KHDRBS2: variants seen among roughly 807,000 people sequenced by gnomAD.
The protein encoded by KHDRBS2 is KH domain-containing, RNA-binding, signal transduction-associated protein 2.
KHDRBS2 carries 26 observed loss-of-function variants against 44.3 expected under a neutral mutation model. The observed-to-expected ratio is 0.59, with a 90% CI of 0.43 to 0.81. The LOEUF (loss-of-function observed/expected upper bound fraction) is 0.81, where lower values mean the gene tolerates loss of function less well. Among genes scored for constraint, KHDRBS2 ranks in the 40% least tolerant of loss-of-function variants. The pLI, the probability that KHDRBS2 is intolerant of heterozygous loss-of-function variation, is 0.00. For synonymous variants in KHDRBS2, 194 were observed against 151.1 expected (o/e 1.28, Z -2.08); for missense variants, 476 against 433.1 (o/e 1.10, Z -0.88).
intron 1 of KHDRBS2, among the ~76,000 whole-genome samples, chr6:62,196,910 G>A (rs1337468547): frequency 9.9e-5 from 15 of 151,990 alleles, no homozygotes; most frequent in Non-Finnish European, 1.8e-4. Flanking sequence ...CATAGGAAGC[G>A]CCCATAAAGC....
At chr6:61,998,536 T>A (rs888563284) in intron 3 of KHDRBS2, among the ~76,000 whole-genome samples, 2 of 152,154 alleles carry the variant, frequency 1.3e-5, no homozygotes, top group Non-Finnish European at 1.5e-5. Context: ...TTTCCCAGAA[T>A]GGAAAACACG....
chr6:61,769,296 G>A (rs1339257602), intron 6 of KHDRBS2, among the ~76,000 whole-genome samples: 2 of 152,096 alleles, frequency 1.3e-5, no homozygotes, highest in Non-Finnish European at 2.9e-5. Context: ...TCTCACTGGA[G>A]AGTGCCAGAC....
At chr6:61,996,093 G>T (rs1777115885) in intron 3 of KHDRBS2, among the ~76,000 whole-genome samples, 1 of 152,150 alleles carries the variant, frequency 6.6e-6, no homozygotes, top group South Asian at 2.1e-4. Flanking sequence ...GACTGGCTAT[G>T]TGAACTGTCC....
chr6:61,892,690 G>T (rs1224886587), intron 6 of KHDRBS2, among the ~76,000 whole-genome samples: 2 of 152,148 alleles, frequency 1.3e-5, no homozygotes, highest in African/African-American at 2.4e-5. Context: ...GGGAAAACTC[G>T]CTAGCCATAT....
At chr6:62,047,839 C>A in intron 3 of KHDRBS2, 39 bp downstream of exon 3, 1 of 1,322,204 alleles carries the variant, frequency 7.6e-7, no homozygotes, top group Non-Finnish European at 1.1e-6. Flanking sequence ...TATAGGTAAC[C>A]TCCTGAATGT....
At chr6:61,829,231 G>A (rs373226631) in intron 6 of KHDRBS2, among the ~76,000 whole-genome samples, 27 of 152,104 alleles carry the variant, frequency 1.8e-4, no homozygotes, top group African/African-American at 6.0e-4. Flanking sequence ...GTGCAATCTC[G>A]GATCACTGCA....
At chr6:61,699,773 AT>A (rs1235787520) in intron 7 of KHDRBS2, among the ~76,000 whole-genome samples, 1 of 152,046 alleles carries the variant, frequency 6.6e-6, no homozygotes, top group African/African-American at 2.4e-5. Context: ...CTTGGAGGCA[AT>A]TTATAATGCA....
intron 6 of KHDRBS2, among the ~76,000 whole-genome samples, chr6:61,824,543 T>A (rs751064549): frequency 1.3e-5 from 2 of 152,140 alleles, no homozygotes; most frequent in Non-Finnish European, 1.5e-5. Context: ...GGTAGTTCTT[T>A]ATAGCAGTGT....
chr6:62,189,453 G>A (rs1162659527), intron 1 of KHDRBS2, among the ~76,000 whole-genome samples: 1 of 152,078 alleles, frequency 6.6e-6, no homozygotes, highest in Non-Finnish European at 1.5e-5. Context: ...CAGATAGTAA[G>A]TGTTTGCCAT....
At position 61,955,165 on chromosome 6, in the gene KHDRBS2, CAT is replaced by C. The variant is rs557070104; in HGVS notation, c.483+22899_483+22900del. ...ACACATACGTGTGTATGTATGTATA[CAT>C]ATGTGTATATACACATACGTTTGTA... is the stretch of plus-strand genomic sequence containing the variant. On this transcript the variant is annotated intron_variant, in intron 4 of 8. Coordinates refer to ENST00000281156, the MANE Select transcript of KHDRBS2 (RefSeq NM_152688.4). 4.5e-4 allele frequency among the ~76,000 whole-genome samples: 64 copies of C among 142,206 alleles called. No homozygotes were observed. The East Asian group carries it at 8.6e-3, about 19-fold the overall frequency. 93.3% of individuals were successfully genotyped at this position (142,206 alleles called of 152,430 possible).
chr6:62,013,233 G>A (rs922241029), intron 3 of KHDRBS2, among the ~76,000 whole-genome samples: 1 of 152,142 alleles, frequency 6.6e-6, no homozygotes, highest in Non-Finnish European at 1.5e-5. Context: ...AGTATGGAAA[G>A]CTATAAGGCA....
At chr6:61,997,612 T>C (rs745651054) in intron 3 of KHDRBS2, among the ~76,000 whole-genome samples, 7 of 152,296 alleles carry the variant, frequency 4.6e-5, no homozygotes, top group Admixed American at 6.5e-5. Flanking sequence ...TAGGACCTTC[T>C]TCTAATTTAA....
chr6:61,611,815 A>G, the KHDRBS2 span, among the ~76,000 whole-genome samples: 1 of 151,922 alleles, frequency 6.6e-6, no homozygotes, highest in Non-Finnish European at 1.5e-5. Context: ...TAGTTTTTCA[A>G]CTCACCTTCC....
intron 4 of KHDRBS2, among the ~76,000 whole-genome samples, chr6:61,920,223 G>A (rs1031552787): frequency 6.6e-6 from 1 of 151,886 alleles, no homozygotes; most frequent in Admixed American, 6.6e-5. Context: ...TGGCCCCATT[G>A]CCTGGGTGAG....
At chr6:61,590,309 A>G in the KHDRBS2 span, among the ~76,000 whole-genome samples, 1 of 152,206 alleles carries the variant, frequency 6.6e-6, no homozygotes, top group Non-Finnish European at 1.5e-5. Context: ...AAATTCATTC[A>G]CTACCAGACA....
intron 2 of KHDRBS2, among the ~76,000 whole-genome samples, chr6:62,093,890 GTGTA>G (rs143571796): frequency 0.072 from 10,487 of 144,696 alleles, 393 homozygotes; most frequent in African/African-American, 0.082. Flanking sequence ...GTGTGTGTGT[GTGTA>G]TATCACATTT....
At chr6:62,270,571 G>A (rs1323743256) in intron 1 of KHDRBS2, among the ~76,000 whole-genome samples, 1 of 151,806 alleles carries the variant, frequency 6.6e-6, no homozygotes, top group African/African-American at 2.4e-5. Context: ...GGGTCACAAG[G>A]GAAGTCTCTG....
intron 6 of KHDRBS2, among the ~76,000 whole-genome samples, chr6:61,786,267 G>A (rs536515562): frequency 1.3e-5 from 2 of 151,836 alleles, no homozygotes; most frequent in African/African-American, 2.4e-5. Context: ...TAATCAAACC[G>A]CATCTTCTGA....
At chr6:62,040,372 T>C (rs1786206771) in intron 3 of KHDRBS2, among the ~76,000 whole-genome samples, 1 of 152,038 alleles carries the variant, frequency 6.6e-6, no homozygotes, top group African/African-American at 2.4e-5. Context: ...TTCCAGTTAT[T>C]TATTGTTGCA....
Sources: allele counts gnomAD v4.1 joint callset (sites outside exome capture counted in the v4.1 genomes callset), GRCh38; gene constraint gnomAD v4.1.1; transcripts MANE v1.5; gene names NCBI Gene and HGNC (gene_info 2026-07-23, HGNC 2026-07-21).